Variants in PITPNC1 observed in about 807,000 individuals in gnomAD.
The protein encoded by PITPNC1 is phosphatidylinositol transfer protein cytoplasmic 1, also known as cytoplasmic phosphatidylinositol transfer protein 1.
PITPNC1 carries 18 observed loss-of-function variants against 44.7 expected under a neutral mutation model. The ratio of observed to expected loss-of-function variants is 0.40; its 90% CI spans 0.28 to 0.60. PITPNC1 has a LOEUF of 0.60. Among genes scored for constraint, PITPNC1 ranks in the 20% least tolerant of loss-of-function variants. PITPNC1 has a pLI of 0.39. For synonymous variants in PITPNC1, 141 were observed against 149.6 expected (o/e 0.94, Z 0.42); for missense variants, 290 against 418.4 (o/e 0.69, Z 2.68).
intron 1 of PITPNC1, among the ~76,000 whole-genome samples, chr17:67,465,668 T>G (rs969445180): frequency 6.6e-6 from 1 of 152,164 alleles, no homozygotes; most frequent in Non-Finnish European, 1.5e-5. Context: ...ATGAGGCTCC[T>G]CTCTGATGTT....
intron 1 of PITPNC1, among the ~76,000 whole-genome samples, chr17:67,522,947 G>A (rs1434542421): frequency 6.6e-6 from 1 of 152,062 alleles, no homozygotes; most frequent in African/African-American, 2.4e-5. Flanking sequence ...TGGGATTACA[G>A]GCATAGACTA....
intron 6 of PITPNC1, among the ~76,000 whole-genome samples, chr17:67,652,186 A>G (rs1181048560): frequency 1.3e-5 from 2 of 152,180 alleles, no homozygotes; most frequent in Admixed American, 1.3e-4. Context: ...AGTGTAATTA[A>G]TCATGGAGAC....
chr17:67,433,061 G>A (rs1428418136), intron 1 of PITPNC1, among the ~76,000 whole-genome samples: 1 of 152,204 alleles, frequency 6.6e-6, no homozygotes, highest in East Asian at 1.9e-4. Flanking sequence ...GGTGGCGGAA[G>A]ACCCTTGAGG....
intron 4 of PITPNC1, among the ~76,000 whole-genome samples, chr17:67,565,895 T>C (rs887303665): frequency 6.6e-6 from 1 of 152,188 alleles, no homozygotes; most frequent in Non-Finnish European, 1.5e-5. Flanking sequence ...TTGTTTTCCA[T>C]GTTTTTCAGT....
intron 2 of PITPNC1, among the ~76,000 whole-genome samples, chr17:67,542,421 C>A (rs1485293019): frequency 1.3e-5 from 2 of 152,208 alleles, no homozygotes. Flanking sequence ...GTCCTCCATG[C>A]ATAAGTCATG....
At chr17:67,608,306 G>C (rs1053368345) in intron 5 of PITPNC1, among the ~76,000 whole-genome samples, 1 of 150,118 alleles carries the variant, frequency 6.7e-6, no homozygotes, top group Non-Finnish European at 1.5e-5. Context: ...AGGAGGCTGA[G>C]GCAGGAGAAT....
chr17:67,645,223 C>A (rs112991676), intron 6 of PITPNC1, among the ~76,000 whole-genome samples: 3,577 of 152,066 alleles, frequency 0.024, 145 homozygotes, highest in African/African-American at 0.081. Flanking sequence ...CACCTATAAT[C>A]CCAGCTACTC....
intron 5 of PITPNC1, among the ~76,000 whole-genome samples, chr17:67,617,336 C>T (rs942296058): frequency 6.6e-6 from 1 of 152,100 alleles, no homozygotes; most frequent in African/African-American, 2.4e-5. Context: ...TGAGAACCTG[C>T]CTCTAATAAA....
At chr17:67,623,955 AAG>A (rs1459727495) in intron 5 of PITPNC1, among the ~76,000 whole-genome samples, 1 of 152,194 alleles carries the variant, frequency 6.6e-6, no homozygotes, top group Non-Finnish European at 1.5e-5. Context: ...CTTCTGTTCA[AAG>A]AGAAATCTAG....
At chr17:67,608,336 A>T (rs2041640078) in intron 5 of PITPNC1, among the ~76,000 whole-genome samples, 1 of 152,000 alleles carries the variant, frequency 6.6e-6, no homozygotes, top group African/African-American at 2.4e-5. Flanking sequence ...CCATGTGTTC[A>T]AGTCCAACCT....
At chr17:67,436,908 G>GTTTTTTTTTTTTTTT (rs1044625193) in intron 1 of PITPNC1, among the ~76,000 whole-genome samples, 1 of 68,418 alleles carries the variant, frequency 1.5e-5, no homozygotes, top group Non-Finnish European at 2.8e-5. Flanking sequence ...AAATAGGGGT[G>GTTTTTTTTTTTTTTT]TTTTTTTTTT....
At chr17:67,632,319 G>A in intron 6 of PITPNC1, 81 bp downstream of exon 6, 11 of 866,186 alleles carry the variant, frequency 1.3e-5, no homozygotes, top group Non-Finnish European at 1.9e-5. Context: ...CTCCTAACTT[G>A]GGAGGATGCC....
At chr17:67,428,538 G>GAAAAAAAA (rs1218683922) in intron 1 of PITPNC1, among the ~76,000 whole-genome samples, 1 of 89,590 alleles carries the variant, frequency 1.1e-5, no homozygotes. Flanking sequence ...ATCTCAAAAA[G>GAAAAAAAA]AAAAAAAAAA....
At chr17:67,378,237 CG>C in intron 1 of PITPNC1, 35 bp downstream of exon 1, 1 of 1,398,452 alleles carries the variant, frequency 7.2e-7, no homozygotes, top group Non-Finnish European at 9.4e-7. Flanking sequence ...TCGCCCGCTC[CG>C]GGACCCCCGC....
rs368958096 is a variant in PITPNC1 at position 67,506,270 on chromosome 17, A to G, written c.49-26532A>G. On this transcript the variant is annotated intron_variant, in intron 1 of 8. Transcript: ENST00000581322. ...AAAGGAAATGAAGAAAAGGTGAAGT[A>G]AGATTTTACACACATTTTCAGATTA... Among the ~76,000 whole-genome samples the G allele has an allele frequency of 2.0e-5, 3 of 152,354 alleles. No homozygotes were observed. In the South Asian group the frequency reaches 6.2e-4, roughly 32 times the overall value.
intron 8 of PITPNC1, among the ~76,000 whole-genome samples, chr17:67,689,317 C>T (rs1261675718): frequency 6.6e-6 from 1 of 152,038 alleles, no homozygotes; most frequent in African/African-American, 2.4e-5. Flanking sequence ...TGGAAAAGCC[C>T]ACATAATCTC....
At chr17:67,420,741 T>C (rs2038661188) in intron 1 of PITPNC1, among the ~76,000 whole-genome samples, 1 of 152,106 alleles carries the variant, frequency 6.6e-6, no homozygotes, top group South Asian at 2.1e-4. Context: ...CTCACTTCTG[T>C]TTTCTACTTG....
intron 1 of PITPNC1, among the ~76,000 whole-genome samples, chr17:67,396,112 T>C (rs1461354892): frequency 6.6e-6 from 1 of 152,216 alleles, no homozygotes; most frequent in Non-Finnish European, 1.5e-5. Flanking sequence ...TTTTTCTTTT[T>C]GCCAAAATTT....
Position 67,445,122 on chromosome 17 carries a change from TGTTTGGGCAGACAATG to T in PITPNC1, c.48+66926_48+66941del, listed in dbSNP as rs552880443. 3.9e-5 allele frequency among the ~76,000 whole-genome samples: 6 copies of T among 152,162 alleles called. No individual in the cohort carries two copies. The South Asian group carries it at 1.2e-3, about 32-fold the overall frequency. The stretch of plus-strand genomic sequence containing the variant: ...ACATACAATGGCTTGGGACAAAGTC[TGTTTGGGCAGACAATG>T]GTTTGTGACAAAAATCTTTCCAGGT... On this transcript the variant is annotated intron_variant, in intron 1 of 8. Coordinates refer to ENST00000581322, the MANE Select transcript of PITPNC1 (RefSeq NM_012417.4).
Sources: gnomAD v4.1 joint callset for allele counts (sites outside exome capture counted in the v4.1 genomes callset) on GRCh38, gnomAD v4.1.1 for gene constraint, MANE v1.5 for transcripts, NCBI Gene and HGNC (gene_info 2026-07-23, HGNC 2026-07-21) for gene names.